ENOX1: variants seen among roughly 807,000 people sequenced by gnomAD.
ENOX1 encodes candidate growth-related and time keeping constitutive hydroquinone (NADH) oxidase.
A neutral mutation model predicts 82.5 loss-of-function variants in ENOX1; 42 were observed. The observed-to-expected ratio is 0.51, with a 90% confidence interval of 0.40 to 0.66. The LOEUF is 0.66. ENOX1 is among the 30% of genes least tolerant of loss of function. The pLI is 0.00. For missense variants in ENOX1, 608 were observed against 811.6 expected (o/e 0.75, Z 3.05); for synonymous variants, 271 against 282.2 (o/e 0.96, Z 0.40).
intron 14 of ENOX1, among the ~76,000 whole-genome samples, chr13:43,257,355 G>C (rs2043809360): frequency 6.6e-6 from 1 of 152,142 alleles, no homozygotes; most frequent in African/African-American, 2.4e-5. Flanking sequence ...GTCCTGATTT[G>C]ATCATTATAC....
At chr13:43,278,439 C>T (rs2045187157) in intron 12 of ENOX1, among the ~76,000 whole-genome samples, 1 of 152,072 alleles carries the variant, frequency 6.6e-6, no homozygotes, top group African/African-American at 2.4e-5. Flanking sequence ...AGACGATGAA[C>T]TAGAACTTGA....
intron 2 of ENOX1, among the ~76,000 whole-genome samples, chr13:43,629,763 A>G (rs1024170797): frequency 1.3e-5 from 2 of 152,192 alleles, no homozygotes; most frequent in Non-Finnish European, 2.9e-5. Context: ...TTGCCCTCAC[A>G]TCTGCCATTT....
At chr13:43,731,948 A>G (rs1022670921) in intron 1 of ENOX1, among the ~76,000 whole-genome samples, 3 of 152,256 alleles carry the variant, frequency 2.0e-5, no homozygotes, top group African/African-American at 4.8e-5. Flanking sequence ...TATAAGTCGC[A>G]CAAGTTTCAC....
chr13:43,417,740 T>C (rs1182747282), intron 3 of ENOX1, among the ~76,000 whole-genome samples: 1 of 152,204 alleles, frequency 6.6e-6, no homozygotes, highest in Non-Finnish European at 1.5e-5. Flanking sequence ...TATTTGGAAA[T>C]GTAGTGTTTC....
intron 2 of ENOX1, among the ~76,000 whole-genome samples, chr13:43,571,679 A>C (rs1179117403): frequency 6.6e-6 from 1 of 152,148 alleles, no homozygotes; most frequent in African/African-American, 2.4e-5. Flanking sequence ...AACAAGAATG[A>C]AACTCTGTCT....
At chr13:43,657,992 G>C (rs1227147603) in intron 2 of ENOX1, among the ~76,000 whole-genome samples, 2 of 151,972 alleles carry the variant, frequency 1.3e-5, no homozygotes, top group African/African-American at 4.8e-5. Flanking sequence ...ATATGAAACG[G>C]TGGTGAAATG....
At chr13:43,651,674 G>A (rs1291747794) in intron 2 of ENOX1, among the ~76,000 whole-genome samples, 1 of 101,490 alleles carries the variant, frequency 9.9e-6, no homozygotes, top group Non-Finnish European at 2.3e-5. Flanking sequence ...TCCAGCCTGG[G>A]CGACATAGCG....
At chr13:43,493,122 T>C (rs556465662) in intron 2 of ENOX1, among the ~76,000 whole-genome samples, 1 of 152,166 alleles carries the variant, frequency 6.6e-6, no homozygotes, top group Non-Finnish European at 1.5e-5. Flanking sequence ...CCTTAAAATA[T>C]CTTAAGATTC....
At chr13:43,323,810 A>T (rs1454213944) in intron 10 of ENOX1, among the ~76,000 whole-genome samples, 1 of 152,264 alleles carries the variant, frequency 6.6e-6, no homozygotes, top group Non-Finnish European at 1.5e-5. Context: ...GGACATGCAT[A>T]TATCACTCCA....
intron 9 of ENOX1, among the ~76,000 whole-genome samples, chr13:43,344,036 C>A (rs1323192883): frequency 6.6e-6 from 1 of 152,146 alleles, no homozygotes; most frequent in Admixed American, 6.5e-5. Context: ...ACAAAAAAAT[C>A]TCTACTCTTG....
intron 9 of ENOX1, among the ~76,000 whole-genome samples, chr13:43,338,904 C>G (rs1320056018): frequency 2.6e-5 from 4 of 152,030 alleles, no homozygotes; most frequent in East Asian, 1.9e-4. Flanking sequence ...CCAGGATGGT[C>G]TCGATCTCCT....
intron 2 of ENOX1, chr13:43,544,052 G>C (rs1362773296): frequency 2.0e-5 from 3 of 151,616 alleles, no homozygotes; most frequent in African/African-American, 4.9e-5. Flanking sequence ...AAGTAGCTGG[G>C]ATTACAGGCA....
intron 16 of ENOX1, among the ~76,000 whole-genome samples, chr13:43,222,147 T>C (rs2041822206): frequency 1.3e-5 from 2 of 152,002 alleles, no homozygotes; most frequent in Admixed American, 1.3e-4. Flanking sequence ...CAGTCTGCGA[T>C]GAGATACAAT....
intron 16 of ENOX1, among the ~76,000 whole-genome samples, chr13:43,218,001 T>G (rs555010568): frequency 6.6e-6 from 1 of 152,176 alleles, no homozygotes. Context: ...ACTAAGTCAT[T>G]TAATATCAAG....
At chr13:43,724,288 C>T (rs1457551026) in intron 1 of ENOX1, among the ~76,000 whole-genome samples, 1 of 152,198 alleles carries the variant, frequency 6.6e-6, no homozygotes, top group Non-Finnish European at 1.5e-5. Context: ...ATAGGAGTGG[C>T]ATATCTATCC....
At chr13:43,669,594 T>C (rs1158800375) in intron 1 of ENOX1, among the ~76,000 whole-genome samples, 1 of 152,164 alleles carries the variant, frequency 6.6e-6, no homozygotes, top group Non-Finnish European at 1.5e-5. Context: ...CTTTTTTCTT[T>C]GCTCCTTTCC....
chr13:43,297,902 G>A (rs557500504), intron 12 of ENOX1, among the ~76,000 whole-genome samples: 3 of 152,302 alleles, frequency 2.0e-5, no homozygotes, highest in African/African-American at 7.2e-5. Context: ...GATCCTAAGT[G>A]TAATACAGAA....
At chr13:43,447,728 G>A (rs1167121894) in intron 3 of ENOX1, among the ~76,000 whole-genome samples, 2 of 152,102 alleles carry the variant, frequency 1.3e-5, no homozygotes, top group African/African-American at 4.8e-5. Flanking sequence ...TGCCATAACA[G>A]CTGATGGATT....
chr13:43,295,006 T>G (rs764302836), intron 12 of ENOX1, among the ~76,000 whole-genome samples: 3 of 152,232 alleles, frequency 2.0e-5, no homozygotes, highest in Non-Finnish European at 4.4e-5. Flanking sequence ...GTGCTGGAAC[T>G]GATTTATATA....
Sources: gnomAD v4.1 joint callset for allele counts (sites outside exome capture counted in the v4.1 genomes callset) on GRCh38, gnomAD v4.1.1 for gene constraint, MANE v1.5 for transcripts, NCBI Gene and HGNC (gene_info 2026-07-23, HGNC 2026-07-21) for gene names.